RANBP2: variants seen among roughly 807,000 people sequenced by gnomAD.
RANBP2 encodes the protein E3 SUMO-protein ligase RanBP2.
RANBP2 carries 57 observed loss-of-function variants against 303.6 expected under a neutral mutation model. The observed-to-expected ratio is 0.19, with a 90% CI of 0.15 to 0.23. The LOEUF (loss-of-function observed/expected upper bound fraction) is 0.23, where lower values mean the gene tolerates loss of function less well. Among genes scored for constraint, RANBP2 ranks in the 10% least tolerant of loss-of-function variants. RANBP2 has a pLI of 1.00. For missense variants in RANBP2, 3,138 were observed against 3,780.8 expected, an observed-to-expected ratio of 0.83 and a Z score of 4.46; for synonymous variants, 1,167 against 1,301.5, an observed-to-expected ratio of 0.90 and a Z score of 2.23.
At chr2:108,847,006 C>T in the RANBP2 span, 1 of 813,846 alleles carries the variant, frequency 1.2e-6, no homozygotes, top group South Asian at 1.7e-5. Flanking sequence ...ATTCTTTTAT[C>T]AAATATGTTG....
chr2:109,426,980 T>A, the RANBP2 span, among the ~76,000 whole-genome samples: 6,308 of 41,696 alleles, frequency 0.15, 215 homozygotes, highest in African/African-American at 0.34. Context: ...ATATATATAT[T>A]TTTTTTTGAG....
At chr2:109,654,370 C>T in the RANBP2 span, among the ~76,000 whole-genome samples, 4 of 151,980 alleles carry the variant, frequency 2.6e-5, no homozygotes, top group East Asian at 1.9e-4. Flanking sequence ...AGGGTCACCA[C>T]GGAAATTCTC....
the RANBP2 span, among the ~76,000 whole-genome samples, chr2:108,809,742 C>A: frequency 6.6e-6 from 1 of 152,104 alleles, no homozygotes; most frequent in South Asian, 2.1e-4. Flanking sequence ...CTTTCGGTTT[C>A]TTTGCATTGA....
At chr2:109,170,911 C>A in the RANBP2 span, among the ~76,000 whole-genome samples, 2 of 152,192 alleles carry the variant, frequency 1.3e-5, no homozygotes, top group Admixed American at 1.3e-4. Flanking sequence ...TAAATCACCT[C>A]ACTAAGCAGC....
At chr2:109,022,079 T>C in the RANBP2 span, among the ~76,000 whole-genome samples, 1 of 151,932 alleles carries the variant, frequency 6.6e-6, no homozygotes, top group Admixed American at 6.6e-5. Context: ...AGCTTGCTTG[T>C]TATATCTGGC....
the RANBP2 span, among the ~76,000 whole-genome samples, chr2:109,638,559 T>C: frequency 6.6e-6 from 1 of 152,142 alleles, no homozygotes; most frequent in East Asian, 1.9e-4. Flanking sequence ...CATGACCTCT[T>C]CCCATTGACT....
the RANBP2 span, chr2:108,930,266 G>A: frequency 1.2e-6 from 2 of 1,613,940 alleles, no homozygotes; most frequent in East Asian, 2.2e-5. Context: ...GGGGTGTTGT[G>A]GCCTCCGTAC....
chr2:108,843,395 T>G, the RANBP2 span, among the ~76,000 whole-genome samples: 3 of 152,164 alleles, frequency 2.0e-5, no homozygotes, highest in Non-Finnish European at 4.4e-5. Flanking sequence ...TGACCTCAAG[T>G]GATCCACCTG....
the RANBP2 span, among the ~76,000 whole-genome samples, chr2:109,390,291 C>T: frequency 6.6e-6 from 1 of 152,206 alleles, no homozygotes; most frequent in Non-Finnish European, 1.5e-5. Context: ...AAAATTATCA[C>T]AGGGTCCTTA....
chr2:108,754,959 C>T lies in RANBP2; in HGVS notation c.2257C>T (p.Leu753Phe). The T allele has an allele frequency of 1.2e-6, 2 of 1,611,792 alleles. No homozygotes were observed. The highest frequency in any genetic ancestry group is 1.7e-6 in the Non-Finnish European group (2 of 1,179,798). Reference sequence around the variant, plus strand: ...GATGCTTAATTCAGTCATGCAGGAACTCGAAGACTATAGTGAAGGAGGTCC... The same window carrying T: ...GATGCTTAATTCAGTCATGCAGGAATTCGAAGACTATAGTGAAGGAGGTCC... ...KEMLNSVMQE[L>F]EDYSEGGPLY... The change falls in exon 16 of 29, where the codon CTC (leucine) becomes TTC (phenylalanine). Residue 753 changes from leucine (L) to phenylalanine (F), a missense_variant. By Grantham distance (22) the Leu-to-Phe change is conservative. Coordinates refer to ENST00000283195, the MANE Select transcript of RANBP2 (RefSeq NM_006267.5).
chr2:108,889,555 CTTTTT>C, the RANBP2 span, among the ~76,000 whole-genome samples: 153 of 149,958 alleles, frequency 1.0e-3, no homozygotes, highest in Middle Eastern at 3.5e-3. Flanking sequence ...TTTTTCTTTT[CTTTTT>C]TTTTTTTCAC....
chr2:109,193,649 T>C, the RANBP2 span, among the ~76,000 whole-genome samples: 1 of 152,144 alleles, frequency 6.6e-6, no homozygotes, highest in African/African-American at 2.4e-5. Flanking sequence ...CATTCATGAG[T>C]TGATGGACAT....
the RANBP2 span, among the ~76,000 whole-genome samples, chr2:109,075,350 G>A: frequency 1.2e-4 from 18 of 149,920 alleles, 2 homozygotes; most frequent in African/African-American, 3.6e-4. Flanking sequence ...TCAGCCCCCC[G>A]AGTAGCTAGG....
the RANBP2 span, chr2:109,546,262 C>A: frequency 6.1e-5 from 90 of 1,482,636 alleles, no homozygotes; most frequent in Non-Finnish European, 8.1e-5. Context: ...GCAATCCCCA[C>A]TACTGACACA....
the RANBP2 span, among the ~76,000 whole-genome samples, chr2:109,051,699 T>A: frequency 6.6e-6 from 1 of 151,972 alleles, no homozygotes; most frequent in Non-Finnish European, 1.5e-5. Context: ...GACAGCAATG[T>A]CTCTCTGCTT....
the RANBP2 span, among the ~76,000 whole-genome samples, chr2:109,707,992 T>C: frequency 1.3e-5 from 2 of 152,216 alleles, no homozygotes; most frequent in African/African-American, 4.8e-5. Context: ...GCAAGTGCCA[T>C]CCTGTACTGA....
chr2:109,013,972 C>T, the RANBP2 span, among the ~76,000 whole-genome samples: 3 of 152,168 alleles, frequency 2.0e-5, no homozygotes, highest in African/African-American at 4.8e-5. Context: ...TTTTGCTCCT[C>T]ATTCTTGAGC....
the RANBP2 span, among the ~76,000 whole-genome samples, chr2:109,158,529 G>A: frequency 6.6e-6 from 1 of 152,148 alleles, no homozygotes; most frequent in African/African-American, 2.4e-5. Context: ...GAGCTGGATG[G>A]TGTCATGTCC....
the RANBP2 span, among the ~76,000 whole-genome samples, chr2:109,633,117 C>T: frequency 1.1e-4 from 17 of 152,172 alleles, no homozygotes; most frequent in South Asian, 2.1e-3. Context: ...CAGGGACGGT[C>T]GTGGTGGCTC....
Sources: gnomAD v4.1 joint callset for allele counts (sites outside exome capture counted in the v4.1 genomes callset) on GRCh38, gnomAD v4.1.1 for gene constraint, MANE v1.5 for transcripts, NCBI Gene and HGNC (gene_info 2026-07-23, HGNC 2026-07-21) for gene names.